ITSN1: variants seen among roughly 807,000 people sequenced by gnomAD.
ITSN1 encodes intersectin 1.
Under a neutral mutation model 239.8 loss-of-function variants are expected in ITSN1, and 58 were observed. The ratio of observed to expected loss-of-function variants is 0.24; its 90% CI spans 0.20 to 0.30. The LOEUF (loss-of-function observed/expected upper bound fraction) is 0.30. ITSN1 is among the 10% of genes least tolerant of loss of function. The pLI is 1.00. For missense variants in ITSN1, 1,558 were observed against 2,103.3 expected, an observed-to-expected ratio of 0.74 and a Z score of 5.07; for synonymous variants, 780 against 770.8, an observed-to-expected ratio of 1.01 and a Z score of -0.20.
chr21:33,703,111 G>GTGTA (rs201997386), intron 1 of ITSN1, among the ~76,000 whole-genome samples: 67 of 149,706 alleles, frequency 4.5e-4, no homozygotes, highest in Middle Eastern at 3.5e-3. Context: ...GTGTGTGTGT[G>GTGTA]TGTATACACA....
intron 1 of ITSN1, among the ~76,000 whole-genome samples, chr21:33,669,043 A>G (rs2090095824): frequency 6.6e-6 from 1 of 152,222 alleles, no homozygotes. Context: ...CTCCTGTCCA[A>G]ACATTCTGGT....
intron 1 of ITSN1, among the ~76,000 whole-genome samples, chr21:33,714,800 A>G (rs1045476385): frequency 4.1e-4 from 63 of 152,310 alleles, no homozygotes; most frequent in African/African-American, 1.5e-3. Context: ...GTTGCATAGT[A>G]TTATGTATAA....
intron 7 of ITSN1, among the ~76,000 whole-genome samples, chr21:33,753,677 G>C (rs932156668): frequency 6.8e-6 from 1 of 146,850 alleles, no homozygotes. Context: ...CAAGAGAATT[G>C]CTTGAATCCA....
chr21:33,837,590 C>T (rs998402410), intron 29 of ITSN1: 9 of 985,746 alleles, frequency 9.1e-6, no homozygotes, highest in African/African-American at 3.5e-5. Context: ...TAGAATGAGC[C>T]CAATTAAAGC....
At chr21:33,799,743 T>C (rs931880107) in intron 18 of ITSN1, 65 bp from the exon 19 acceptor site, 2 of 1,565,372 alleles carry the variant, frequency 1.3e-6, no homozygotes, top group African/African-American at 1.4e-5. Context: ...GTTTGGCTTG[T>C]TGTCATACAT....
chr21:33,823,875 T>C (rs1352460242), intron 25 of ITSN1, among the ~76,000 whole-genome samples: 1 of 152,138 alleles, frequency 6.6e-6, no homozygotes, highest in Non-Finnish European at 1.5e-5. Flanking sequence ...GGAGGCTGAG[T>C]GTGATGGGGC....
intron 29 of ITSN1, among the ~76,000 whole-genome samples, chr21:33,847,760 G>A (rs1014188748): frequency 6.6e-6 from 1 of 152,200 alleles, no homozygotes; most frequent in Admixed American, 6.5e-5. Context: ...CAGCTCAGCA[G>A]TTGTGGCAGC....
chr21:33,645,014 G>A (rs1165621596), intron 1 of ITSN1, among the ~76,000 whole-genome samples: 1 of 151,908 alleles, frequency 6.6e-6, no homozygotes, highest in African/African-American at 2.4e-5. Flanking sequence ...TAGAGACAGG[G>A]TCTCTCTGTG....
chr21:33,804,808 A>G (rs1348330826), intron 20 of ITSN1, among the ~76,000 whole-genome samples: 1 of 152,152 alleles, frequency 6.6e-6, no homozygotes, highest in Admixed American at 6.5e-5. Context: ...GAATTGTCTT[A>G]GGCTGCACAT....
intron 1 of ITSN1, among the ~76,000 whole-genome samples, chr21:33,667,061 AC>A (rs1474346165): frequency 6.7e-6 from 1 of 149,090 alleles, no homozygotes; most frequent in Non-Finnish European, 1.5e-5. Flanking sequence ...TAAGTGATCC[AC>A]CCCCATCTCG....
intron 1 of ITSN1, among the ~76,000 whole-genome samples, chr21:33,663,683 A>C (rs56361495): frequency 6.6e-6 from 1 of 152,058 alleles, no homozygotes; most frequent in Non-Finnish European, 1.5e-5. Context: ...GCTTACCGCA[A>C]CCTCCACCTC....
At chr21:33,768,257 A>G (rs1024368437) in intron 11 of ITSN1, among the ~76,000 whole-genome samples, 3 of 152,024 alleles carry the variant, frequency 2.0e-5, no homozygotes, top group African/African-American at 7.2e-5. Flanking sequence ...AACCTATTTT[A>G]AATTTAATGT....
At chr21:33,855,435 A>G (rs1227026043) in intron 29 of ITSN1, among the ~76,000 whole-genome samples, 1 of 152,258 alleles carries the variant, frequency 6.6e-6, no homozygotes, top group East Asian at 1.9e-4. Flanking sequence ...AAGAACAAGT[A>G]AAGGGGATTC....
At chr21:33,805,379 A>G (rs1208357043) in intron 20 of ITSN1, among the ~76,000 whole-genome samples, 1 of 152,166 alleles carries the variant, frequency 6.6e-6, no homozygotes, top group Non-Finnish European at 1.5e-5. Flanking sequence ...TGTAGCCAAC[A>G]ATACCTTTTT....
intron 11 of ITSN1, among the ~76,000 whole-genome samples, chr21:33,771,817 A>G (rs2069184421): frequency 6.6e-6 from 1 of 152,172 alleles, no homozygotes; most frequent in Non-Finnish European, 1.5e-5. Context: ...AGGAGTCTGG[A>G]TGGTGATGTA....
chr21:33,747,594 A>G (rs1205783156), intron 5 of ITSN1, among the ~76,000 whole-genome samples: 1 of 152,226 alleles, frequency 6.6e-6, no homozygotes, highest in Non-Finnish European at 1.5e-5. Context: ...AGCAAGAGAA[A>G]AGCAACTCAT....
chr21:33,746,248 A>G (rs554308841), intron 5 of ITSN1, among the ~76,000 whole-genome samples: 1 of 152,320 alleles, frequency 6.6e-6, no homozygotes, highest in Admixed American at 6.5e-5. Context: ...TCAGAGCCAG[A>G]GTAGCTACAA....
chr21:33,728,851 C>T (rs2065992125), intron 4 of ITSN1, among the ~76,000 whole-genome samples: 1 of 152,134 alleles, frequency 6.6e-6, no homozygotes, highest in African/African-American at 2.4e-5. Flanking sequence ...ATAGATATAA[C>T]CCCAATTTCC....
intron 18 of ITSN1, 21 bp from the exon 19 acceptor site, chr21:33,799,787 C>T (rs1337860796): frequency 6.2e-7 from 1 of 1,611,472 alleles, no homozygotes; most frequent in Admixed American, 1.7e-5. Flanking sequence ...TTTTGTCCCC[C>T]CCACCTTTTT....
Sources: gnomAD v4.1 joint callset for allele counts (sites outside exome capture counted in the v4.1 genomes callset) on GRCh38, gnomAD v4.1.1 for gene constraint, MANE v1.5 for transcripts, NCBI Gene and HGNC (gene_info 2026-07-23, HGNC 2026-07-21) for gene names.